Variants in PCDHGA3 observed in about 807,000 individuals in gnomAD.
PCDHGA3 encodes protocadherin gamma subfamily A, 3.
A neutral mutation model predicts 58.5 loss-of-function variants in PCDHGA3; 40 were observed. The ratio of observed to expected loss-of-function variants is 0.68; its 90% CI spans 0.53 to 0.89. PCDHGA3 has a LOEUF of 0.89. Ranked by LOEUF, PCDHGA3 falls within the 40% of genes least tolerant of loss-of-function variation. The probability of loss-of-function intolerance (pLI) is 0.00; values close to 1 mark genes in which losing one functional copy is unlikely to be tolerated. For synonymous variants in PCDHGA3, 530 were observed against 525.7 expected (o/e 1.01, Z -0.11); for missense variants, 1,223 against 1,195.9 (o/e 1.02, Z -0.33).
chr5:141,370,911 A>C lies in PCDHGA3; in HGVS notation c.2424+24454A>C, dbSNP rs1463962287. On this transcript the variant is annotated intron_variant, in intron 1 of 3. Transcript: ENST00000253812. ...CAATTCGCTGCAGCAGTACTACCTCAGCCCTGATCCGCACTTCTCTTTGAT... is the reference window on the plus strand; with the variant it reads ...CAATTCGCTGCAGCAGTACTACCTCCGCCCTGATCCGCACTTCTCTTTGAT... 3.7e-6 allele frequency: 6 copies of C among 1,613,916 alleles called. No homozygotes were observed. In the Admixed American group the frequency reaches 1.0e-4, roughly 27 times the overall value.
At chr5:141,400,262 G>T (rs1485452553) in intron 1 of PCDHGA3, 1 of 1,613,914 alleles carries the variant, frequency 6.2e-7, no homozygotes, top group African/African-American at 1.3e-5. Flanking sequence ...TTGCGCCTGC[G>T]ACGCTCCTCC....
intron 1 of PCDHGA3, among the ~76,000 whole-genome samples, chr5:141,439,043 G>T (rs1688170264): frequency 6.6e-6 from 1 of 151,346 alleles, no homozygotes; most frequent in Non-Finnish European, 1.5e-5. Flanking sequence ...CAGTTCATAA[G>T]ATTTCCATAT....
chr5:141,490,399 C>T lies in PCDHGA3; in HGVS notation c.2425-4408C>T. The T allele has an allele frequency of 1.2e-6, 2 of 1,614,148 alleles. No homozygotes were observed. Among genetic ancestry groups the T allele is most frequent in the Non-Finnish European group, 1.7e-6 (2 of 1,180,016 alleles). On this transcript the variant is annotated intron_variant, in intron 1 of 3. Transcript: ENST00000253812. This position sits in a 1 kb window ranked among gnomAD's most constrained non-coding sequence, Gnocchi z 5.4. ...CTCAGGTAGAAATGGTGAAGTGAGC[C>T]TTGATATCTCTCCGGACCTGCCATT... is the stretch of plus-strand genomic sequence containing the variant.
chr5:141,403,200 C>T (rs765799006), intron 1 of PCDHGA3: 1 of 1,613,982 alleles, frequency 6.2e-7, no homozygotes, highest in South Asian at 1.1e-5. Flanking sequence ...CGCAGCGGCA[C>T]CTTGGTCACC....
rs529687184 is a variant in PCDHGA3, at chr5:141,365,180, G to A, written c.2424+18723G>A. 3.0e-5 allele frequency: 48 copies of A among 1,613,844 alleles called. No homozygotes were observed. In the East Asian group the frequency reaches 1.0e-3, roughly 35 times the overall value. ...GAAATTGACCTACTCTTTTCGCAATGAAGAAGAAAAAATTTCGGAGACTTT... is the reference window on the plus strand; with the variant it reads ...GAAATTGACCTACTCTTTTCGCAATAAAGAAGAAAAAATTTCGGAGACTTT... On this transcript the variant is annotated intron_variant, in intron 1 of 3. Coordinates refer to ENST00000253812, the MANE Select transcript of PCDHGA3 (RefSeq NM_018916.4).
At chr5:141,408,438 C>T (rs749271632) in intron 1 of PCDHGA3, 1 of 1,614,014 alleles carries the variant, frequency 6.2e-7, no homozygotes. Context: ...AGCGTAGACG[C>T]GGAGAGCGGG....
At chr5:141,494,736 T>C in intron 1 of PCDHGA3, 71 bp from the exon 2 acceptor site, 1 of 1,611,858 alleles carries the variant, frequency 6.2e-7, no homozygotes, top group Non-Finnish European at 8.5e-7. Context: ...TCCCGGCCCA[T>C]CCCTAGGGGC....
Position 141,491,913 on chromosome 5 carries a change from T to C in PCDHGA3, c.2425-2894T>C, listed in dbSNP as rs2099735120. 2.1e-6 allele frequency: 3 copies of C among 1,398,206 alleles called. No homozygotes were observed. Among genetic ancestry groups the C allele is most frequent in the Non-Finnish European group, 2.9e-6 (3 of 1,051,918 alleles). The allele number at this position is 1,398,206 out of a possible 1,614,324, so 86.6% of individuals were successfully genotyped here. On this transcript the variant is annotated intron_variant, in intron 1 of 3. Coordinates refer to ENST00000253812, the MANE Select transcript of PCDHGA3 (RefSeq NM_018916.4). The surrounding 1 kb of genome is among the most constrained non-coding windows in gnomAD (Gnocchi z 6.9). ...TCCGAGCACCGGGGGTGGTGGCGAC[T>C]GTGGGCGAGGGGAGGTGGGACCGAC... is the stretch of plus-strand genomic sequence containing the variant.
intron 1 of PCDHGA3, chr5:141,372,480 T>A (rs777083908): frequency 1.2e-5 from 19 of 1,613,928 alleles, no homozygotes; most frequent in Non-Finnish European, 1.6e-5. Flanking sequence ...AGTAGTGGCG[T>A]TGGCCTTGAT....
Position 141,511,656 on chromosome 5 carries a change from C to T in PCDHGA3, c.*483C>T, listed in dbSNP as rs2099883892. On this transcript the variant is annotated 3_prime_UTR_variant, in exon 4 of 4. Transcript: ENST00000253812. ...GGGCATCATGACCTCTTGGCCTCTC[C>T]TTTGATTCTCAATCTTCCCCCAAAG... is the stretch of plus-strand genomic sequence containing the variant. 4.9e-6 allele frequency: 1 copy of T among 206,024 alleles called. No individual in the cohort carries two copies. The highest frequency in any genetic ancestry group is 5.2e-5 in the Admixed American group (1 of 19,114). 12.8% of individuals were successfully genotyped at this position (206,024 alleles called of 1,614,324 possible).
intron 1 of PCDHGA3, chr5:141,409,355 A>G (rs778227478): frequency 6.2e-7 from 1 of 1,614,032 alleles, no homozygotes; most frequent in South Asian, 1.1e-5. Flanking sequence ...AGTCAGGTGT[A>G]ATATAGAAAC....
Position 141,490,772 on chromosome 5 carries a change from C to T in PCDHGA3, c.2425-4035C>T. ...GCCTCCTCCTTTGTGTATGTCAACC[C>T]AGAGGATGGACGGATCTTTGCCCAG... On this transcript the variant is annotated intron_variant, in intron 1 of 3. Coordinates refer to ENST00000253812, the MANE Select transcript of PCDHGA3 (RefSeq NM_018916.4). This position sits in a 1 kb window ranked among gnomAD's most constrained non-coding sequence, Gnocchi z 5.4. 6.2e-7 allele frequency: 1 copy of T among 1,614,164 alleles called. No homozygotes were observed. The highest frequency in any genetic ancestry group is 1.1e-5 in the South Asian group (1 of 91,082).
chr5:141,361,338 T>C, intron 1 of PCDHGA3: 2 of 1,613,948 alleles, frequency 1.2e-6, no homozygotes, highest in Non-Finnish European at 1.7e-6. Context: ...CAAAGAACTA[T>C]TACAAACTAG....
intron 1 of PCDHGA3, among the ~76,000 whole-genome samples, chr5:141,473,185 G>A (rs1171761852): frequency 1.3e-5 from 2 of 152,188 alleles, no homozygotes; most frequent in Non-Finnish European, 2.9e-5. Flanking sequence ...ACTTGAAGGA[G>A]TAAATGTATC....
In PCDHGA3 at chr5:141,419,578, G is replaced by A. The variant is rs1339676992; in HGVS notation, c.2424+73121G>A. The A allele has an allele frequency of 1.9e-6, 3 of 1,611,604 alleles. No individual in the cohort carries two copies. In the Admixed American group the frequency reaches 5.0e-5, roughly 27 times the overall value. On this transcript the variant is annotated intron_variant, in intron 1 of 3. Transcript: ENST00000253812. ...CTGCGCTGGGTCCCGACGGCTCCGC[G>A]CTCTTCGACACAGTGCCGCGGGCCG...
chr5:141,385,576 A>G, intron 1 of PCDHGA3: 1 of 1,288,582 alleles, frequency 7.8e-7, no homozygotes, highest in Non-Finnish European at 9.8e-7. Context: ...CTACTTTCCA[A>G]TCTATGTTCC....
intron 1 of PCDHGA3, chr5:141,382,901 TGGC>T (rs1204971797): frequency 6.5e-7 from 1 of 1,543,194 alleles, no homozygotes; most frequent in African/African-American, 1.4e-5. Context: ...AGGACGACTA[TGGC>T]GGCTCAGCCG....
At chr5:141,496,892 A>AG (rs1372616572) in intron 2 of PCDHGA3, among the ~76,000 whole-genome samples, 1 of 151,766 alleles carries the variant, frequency 6.6e-6, no homozygotes, top group Non-Finnish European at 1.5e-5. Flanking sequence ...AACACTTAAA[A>AG]AAAAAAAAAA....
At chr5:141,369,314 T>C (rs1414185068) in intron 1 of PCDHGA3, among the ~76,000 whole-genome samples, 1 of 152,134 alleles carries the variant, frequency 6.6e-6, no homozygotes, top group Non-Finnish European at 1.5e-5. Flanking sequence ...TTAGGCTACT[T>C]GAGAAGAAAC....
Sources: gnomAD v4.1 joint callset for allele counts (sites outside exome capture counted in the v4.1 genomes callset) on GRCh38, gnomAD v4.1.1 for gene constraint, Gnocchi (gnomAD v3.1) non-coding constraint, MANE v1.5 for transcripts, NCBI Gene and HGNC (gene_info 2026-07-23, HGNC 2026-07-21) for gene names.